Variants in SOBP observed in about 807,000 individuals in gnomAD.
The protein encoded by SOBP is sine oculis-binding protein homolog.
Under a neutral mutation model 53.6 loss-of-function variants are expected in SOBP, and 4 were observed. The ratio of observed to expected loss-of-function variants is 0.07; its 90% confidence interval spans 0.04 to 0.17. SOBP has a LOEUF of 0.17. SOBP is among the 10% of genes least tolerant of loss of function. The probability of loss-of-function intolerance (pLI) is 1.00; values close to 1 mark genes in which losing one functional copy is unlikely to be tolerated. For synonymous variants in SOBP, 584 were observed against 522.6 expected, an observed-to-expected ratio of 1.12 and a Z score of -1.60; for missense variants, 1,088 against 1,204.7, an observed-to-expected ratio of 0.90 and a Z score of 1.43.
At chr6:107,491,929 A>G (rs1782591044) in intron 1 of SOBP, among the ~76,000 whole-genome samples, 1 of 152,136 alleles carries the variant, frequency 6.6e-6, no homozygotes, top group African/African-American at 2.4e-5. Flanking sequence ...TTAGCAGGGG[A>G]CGCATGGATA....
At chr6:107,625,779 C>G (rs756555102) in intron 5 of SOBP, among the ~76,000 whole-genome samples, 3 of 152,288 alleles carry the variant, frequency 2.0e-5, no homozygotes, top group Non-Finnish European at 4.4e-5. Context: ...TTGATGTCTG[C>G]TTAGTTGTGT....
intron 5 of SOBP, among the ~76,000 whole-genome samples, chr6:107,622,318 T>G (rs2115121188): frequency 6.6e-6 from 1 of 152,278 alleles, no homozygotes; most frequent in East Asian, 1.9e-4. Context: ...TTGGGAAGAA[T>G]GTATTTACAG....
At chr6:107,491,467 C>T (rs1373517134) in intron 1 of SOBP, among the ~76,000 whole-genome samples, 1 of 152,268 alleles carries the variant, frequency 6.6e-6, no homozygotes, top group Non-Finnish European at 1.5e-5. Context: ...GCTGGGCTCC[C>T]CGCCAGGCCA....
At chr6:107,570,819 C>A (rs1785053031) in intron 4 of SOBP, among the ~76,000 whole-genome samples, 1 of 152,232 alleles carries the variant, frequency 6.6e-6, no homozygotes, top group African/African-American at 2.4e-5. Context: ...GTAAATAGGT[C>A]CATATCTCAA....
chr6:107,525,275 C>T (rs190908744), intron 3 of SOBP, among the ~76,000 whole-genome samples: 105 of 152,296 alleles, frequency 6.9e-4, no homozygotes, highest in African/African-American at 2.4e-3. Flanking sequence ...CAAGAAGAAA[C>T]TCCTTCACTG....
intron 6 of SOBP, among the ~76,000 whole-genome samples, chr6:107,643,165 A>G (rs1771403245): frequency 6.6e-6 from 1 of 151,638 alleles, no homozygotes; most frequent in South Asian, 2.1e-4. Context: ...CTGTAACGTG[A>G]TCTTTTTCTA....
chr6:107,490,826 T>C, intron 1 of SOBP, 114 bp downstream of exon 1: 1 of 790,944 alleles, frequency 1.3e-6, no homozygotes, highest in Non-Finnish European at 2.1e-6. Context: ...TTCTGTAGGA[T>C]GCCCAGAACG....
chr6:107,589,884 G>A (rs1785689663), intron 5 of SOBP, among the ~76,000 whole-genome samples: 1 of 152,174 alleles, frequency 6.6e-6, no homozygotes, highest in East Asian at 1.9e-4. Flanking sequence ...TGTTTTGCTG[G>A]CATATCTAAG....
chr6:107,603,706 C>G (rs1786266861), intron 5 of SOBP, among the ~76,000 whole-genome samples: 1 of 152,148 alleles, frequency 6.6e-6, no homozygotes, highest in East Asian at 1.9e-4. Context: ...TGGCAGGCCC[C>G]TTTTCCCTGA....
At chr6:107,545,371 A>C (rs2115003142) in intron 4 of SOBP, among the ~76,000 whole-genome samples, 1 of 152,352 alleles carries the variant, frequency 6.6e-6, no homozygotes. Context: ...GTCCCTAGGC[A>C]AGACAATCGT....
At chr6:107,506,809 A>G (rs1200062824) in intron 3 of SOBP, among the ~76,000 whole-genome samples, 1 of 152,192 alleles carries the variant, frequency 6.6e-6, no homozygotes, top group East Asian at 1.9e-4. Flanking sequence ...TAATCCCTGC[A>G]CTTTGGGAGG....
chr6:107,506,547 G>A (rs1292866098), intron 3 of SOBP, 120 bp downstream of exon 3: 1 of 1,094,866 alleles, frequency 9.1e-7, no homozygotes, highest in Admixed American at 1.8e-5. Flanking sequence ...GGACCTTATA[G>A]GTAAGAAATG....
chr6:107,506,745 A>G (rs1252766234), intron 3 of SOBP, among the ~76,000 whole-genome samples: 23 of 152,188 alleles, frequency 1.5e-4, no homozygotes, highest in Admixed American at 1.4e-3. Context: ...TTTTAAAAAT[A>G]AAATATAGAC....
At chr6:107,541,716 T>C (rs941611734) in intron 4 of SOBP, among the ~76,000 whole-genome samples, 2 of 152,244 alleles carry the variant, frequency 1.3e-5, no homozygotes, top group African/African-American at 4.8e-5. Context: ...TTTCATATCA[T>C]TTAAAATATG....
chr6:107,524,706 G>A (rs1783612470), intron 3 of SOBP, among the ~76,000 whole-genome samples: 1 of 152,182 alleles, frequency 6.6e-6, no homozygotes, highest in African/African-American at 2.4e-5. Flanking sequence ...TTGTCTTTCT[G>A]CCCAGTGCAG....
At chr6:107,588,365 G>A (rs2115061646) in intron 5 of SOBP, among the ~76,000 whole-genome samples, 1 of 152,282 alleles carries the variant, frequency 6.6e-6, no homozygotes, top group East Asian at 1.9e-4. Context: ...TATTCTGTGT[G>A]TGTAGTCCCT....
intron 4 of SOBP, among the ~76,000 whole-genome samples, chr6:107,548,780 T>A (rs1358361076): frequency 6.6e-6 from 1 of 151,180 alleles, no homozygotes; most frequent in East Asian, 2.0e-4. Context: ...CTACAAAATA[T>A]AAAAAAAATC....
chr6:107,541,036 GTAAA>G (rs1181759808), intron 4 of SOBP, among the ~76,000 whole-genome samples: 1 of 152,200 alleles, frequency 6.6e-6, no homozygotes, highest in African/African-American at 2.4e-5. Context: ...ATGATGAAAA[GTAAA>G]TAGCGGAATA....
intron 3 of SOBP, among the ~76,000 whole-genome samples, chr6:107,512,547 T>TA (rs1783200548): frequency 6.6e-6 from 1 of 152,218 alleles, no homozygotes; most frequent in South Asian, 2.1e-4. Flanking sequence ...TTTACAAGTG[T>TA]AATAGCCCTT....
Sources: allele counts gnomAD v4.1 joint callset (sites outside exome capture counted in the v4.1 genomes callset), GRCh38; gene constraint gnomAD v4.1.1; transcripts MANE v1.5; gene names NCBI Gene and HGNC (gene_info 2026-07-23, HGNC 2026-07-21).